Variants in HERC4 observed in about 807,000 individuals in gnomAD.
The protein encoded by HERC4 is probable E3 ubiquitin-protein ligase HERC4.
In HERC4, 28 loss-of-function variants were observed where a neutral mutation model predicts 124.3. That is an observed-to-expected ratio of 0.23 (90% CI 0.17 to 0.31). The LOEUF is 0.31. Among genes scored for constraint, HERC4 ranks in the 10% least tolerant of loss-of-function variants. HERC4 has a pLI of 1.00. For missense variants in HERC4, 713 were observed against 1,229.3 expected (o/e 0.58, Z 6.28); for synonymous variants, 407 against 421.5 (o/e 0.97, Z 0.42).
intron 23 of HERC4, among the ~76,000 whole-genome samples, chr10:67,930,525 C>T (rs2031678520): frequency 6.6e-6 from 1 of 152,108 alleles, no homozygotes; most frequent in South Asian, 2.1e-4. Context: ...ACTTTGTATC[C>T]CCATCGGCAA....
Position 67,929,380 on chromosome 10 carries a change from C to T in HERC4, c.2838+3217G>A, listed in dbSNP as rs1239903153. On this transcript the variant is annotated intron_variant, in intron 23 of 24. Coordinates refer to ENST00000373700, the MANE Select transcript of HERC4 (RefSeq NM_015601.4). ...TCTGAAGTCACACCCTCCCACTCAA[C>T]CCCTTGTCTCTATTCACTATAATTT... 2.0e-5 allele frequency among the ~76,000 whole-genome samples: 3 copies of T among 152,164 alleles called. No homozygotes were observed. The South Asian group carries it at 6.2e-4, about 31-fold the overall frequency.
rs771957306 is a variant in HERC4 at position 68,002,183 on chromosome 10, A to AC, written c.1070-9502dup. On this transcript the variant is annotated intron_variant, in intron 9 of 24. Coordinates refer to ENST00000373700, the MANE Select transcript of HERC4 (RefSeq NM_015601.4). ...AAAAAGCCTTTTAATTATAAAAAAA[A>AC]CATCAAGTTTATTTACAATAAAAAG... Among the ~76,000 whole-genome samples the AC allele has an allele frequency of 5.9e-5, 9 of 152,168 alleles. No homozygotes were observed. The South Asian group carries it at 1.7e-3, about 28-fold the overall frequency.
chr10:68,040,837 C>T (rs2039725360), intron 4 of HERC4, among the ~76,000 whole-genome samples: 1 of 144,552 alleles, frequency 6.9e-6, no homozygotes, highest in Non-Finnish European at 1.5e-5. Context: ...TGCAGTGAGC[C>T]AAGATTGCGC....
chr10:68,013,881 C>A (rs2038113282), intron 9 of HERC4, 145 bp downstream of exon 9: 1 of 557,420 alleles, frequency 1.8e-6, no homozygotes, highest in South Asian at 4.6e-5. Flanking sequence ...GCAAATCAAA[C>A]AACCATATAC....
At chr10:67,996,177 C>T in intron 9 of HERC4, 1 of 445,436 alleles carries the variant, frequency 2.2e-6, no homozygotes, top group South Asian at 1.6e-5. Flanking sequence ...CGTGGTGGCG[C>T]ATGCCTGTAG....
rs574918666 is a variant in HERC4, at chr10:67,988,925, A to G, written c.1634-90T>C. 4.2e-4 allele frequency: 433 copies of G among 1,019,442 alleles called. 9 individuals carry two copies. The South Asian group carries it at 5.8e-3, about 14-fold the overall frequency. The allele number at this position is 1,019,442 out of a possible 1,614,324, so 63.1% of individuals were successfully genotyped here. ...ATACTGACTTTTTTTCTGAAACAGT[A>G]GTTGTTAAACCTGAGAAAACCCCAG... is the stretch of plus-strand genomic sequence containing the variant. On this transcript the variant is annotated intron_variant, in intron 14 of 24. Coordinates refer to ENST00000373700, the MANE Select transcript of HERC4 (RefSeq NM_015601.4).
intron 4 of HERC4, chr10:68,039,304 A>C: frequency 7.4e-7 from 1 of 1,357,728 alleles, no homozygotes; most frequent in Non-Finnish European, 9.7e-7. Flanking sequence ...CGATAGAGTA[A>C]GACCCTGTCT....
chr10:68,032,888 G>A lies in HERC4; in HGVS notation c.686-19C>T, dbSNP rs377355822. The A allele has an allele frequency of 2.9e-4, 358 of 1,218,624 alleles. 2 individuals are homozygous for A. The highest frequency in any genetic ancestry group is 1.5e-3 in the Middle Eastern group (8 of 5,304). The allele number at this position is 1,218,624 out of a possible 1,614,324, so 75.5% of individuals were successfully genotyped here. On this transcript the variant is annotated intron_variant, in intron 6 of 24. Coordinates refer to ENST00000373700, the MANE Select transcript of HERC4 (RefSeq NM_015601.4). ...TACCTATCTGAAAATTCCAACAAGA[G>A]ATGTTAATAGTATTTTAAAAATCAA... is the stretch of plus-strand genomic sequence containing the variant.
Position 68,025,261 on chromosome 10 carries a change from A to G in HERC4, c.908+285T>C, listed in dbSNP as rs560760494. The stretch of plus-strand genomic sequence containing the variant: ...GAAAAGAAAAGAAAAAAAGGTGGAA[A>G]AGAGAAAGAAAGAAGCCTTTCGAGT... On this transcript the variant is annotated intron_variant, in intron 8 of 24. Transcript: ENST00000373700. 2.6e-5 allele frequency among the ~76,000 whole-genome samples: 4 copies of G among 152,206 alleles called. No homozygotes were observed. In the South Asian group the frequency reaches 6.2e-4, roughly 24 times the overall value.
At chr10:67,925,261 G>T in intron 23 of HERC4, 74 bp from the exon 24 acceptor site, 1 of 776,784 alleles carries the variant, frequency 1.3e-6, no homozygotes, top group Non-Finnish European at 2.1e-6. Context: ...AGCTAACATG[G>T]TCCAGTAGTT....
intron 9 of HERC4, chr10:67,994,587 C>G (rs916404575): frequency 2.6e-5 from 4 of 151,394 alleles, no homozygotes; most frequent in African/African-American, 4.9e-5. Context: ...CATGGGCCAC[C>G]ACTCCTGATT....
chr10:67,953,755 G>GAAT (rs904007690), intron 19 of HERC4, among the ~76,000 whole-genome samples: 13 of 152,242 alleles, frequency 8.5e-5, no homozygotes, highest in Admixed American at 7.8e-4. Flanking sequence ...CCTTTCCTAT[G>GAAT]AATTGCACTA....
intron 3 of HERC4, among the ~76,000 whole-genome samples, chr10:68,061,823 G>A (rs1430556760): frequency 7.1e-6 from 1 of 141,728 alleles, no homozygotes; most frequent in Non-Finnish European, 1.5e-5. Flanking sequence ...GGAGGTTGCA[G>A]TGAGCCGAGA....
chr10:67,967,594 T>TA (rs896715644), intron 15 of HERC4, among the ~76,000 whole-genome samples: 3 of 152,086 alleles, frequency 2.0e-5, no homozygotes, highest in African/African-American at 7.2e-5. Flanking sequence ...ATTACAAAGA[T>TA]AAAAACAAAT....
At chr10:67,929,179 T>G (rs1455093742) in intron 23 of HERC4, among the ~76,000 whole-genome samples, 1 of 152,254 alleles carries the variant, frequency 6.6e-6, no homozygotes, top group African/African-American at 2.4e-5. Context: ...GAAGTCCTAA[T>G]TATTCTTAAA....
At chr10:68,023,744 AG>A (rs1465998415) in intron 8 of HERC4, among the ~76,000 whole-genome samples, 11 of 152,100 alleles carry the variant, frequency 7.2e-5, no homozygotes, top group African/African-American at 2.7e-4. Flanking sequence ...TAATGGTGCT[AG>A]GGTAATTGAC....
chr10:67,954,459 C>T lies in HERC4; in HGVS notation c.2337+136G>A, dbSNP rs957674569. 20 of 618,864 alleles carry T rather than the reference C, an allele frequency of 3.2e-5. No homozygotes were observed. The African/African-American group carries it at 3.6e-4, about 11-fold the overall frequency. 38.3% of individuals were successfully genotyped at this position (618,864 alleles called of 1,614,324 possible). ...ACTCCAAGTCCAAAGTTTATAATTT[C>T]TCAAATTGTAATAAAGCAGATCTTA... is the stretch of plus-strand genomic sequence containing the variant. On this transcript the variant is annotated intron_variant, in intron 19 of 24. Coordinates refer to ENST00000373700, the MANE Select transcript of HERC4 (RefSeq NM_015601.4).
At chr10:67,981,628 T>G (rs996417101) in intron 15 of HERC4, among the ~76,000 whole-genome samples, 17 of 152,240 alleles carry the variant, frequency 1.1e-4, no homozygotes, top group African/African-American at 3.9e-4. Flanking sequence ...ACACACCATA[T>G]GTTATGTCAT....
chr10:67,938,859 G>A (rs773742189), intron 21 of HERC4, among the ~76,000 whole-genome samples: 1 of 152,086 alleles, frequency 6.6e-6, no homozygotes, highest in African/African-American at 2.4e-5. Flanking sequence ...CAGGAGAATC[G>A]CTTGAACCTG....
Sources: allele counts gnomAD v4.1 joint callset (sites outside exome capture counted in the v4.1 genomes callset), GRCh38; gene constraint gnomAD v4.1.1; transcripts MANE v1.5; gene names NCBI Gene and HGNC (gene_info 2026-07-23, HGNC 2026-07-21).